The following DSP variants were observed in gnomAD, a reference collection of about 807,000 sequenced individuals.
The protein encoded by DSP is desmoplakin.
DSP carries 114 observed loss-of-function variants against 290.6 expected under a neutral mutation model. That is an observed-to-expected ratio of 0.39 (90% CI 0.34 to 0.46). The LOEUF (loss-of-function observed/expected upper bound fraction) is 0.46, where lower values mean the gene tolerates loss of function less well. DSP is among the 20% of genes least tolerant of loss of function. DSP has a pLI of 0.99. For synonymous variants in DSP, 1,311 were observed against 1,316.4 expected, an observed-to-expected ratio of 1.00 and a Z score of 0.09; for missense variants, 3,230 against 3,495.8, an observed-to-expected ratio of 0.92 and a Z score of 1.92.
rs575948235 is a variant in DSP at position 7,554,821 on chromosome 6, A to G, written c.171-897A>G. ...CACCATGTTTGGCTAATTTAAAAAC[A>G]ATCTTTTTTTTTTTTGTAAGACAGG... On this transcript the variant is annotated intron_variant, in intron 1 of 23. Transcript: ENST00000379802. Among the ~76,000 whole-genome samples, 6 of 151,932 alleles carry G rather than the reference A, an allele frequency of 3.9e-5. No individual in the cohort carries two copies. The East Asian group carries it at 9.7e-4, about 24-fold the overall frequency.
chr6:7,547,938 T>A (rs1179032327), intron 1 of DSP, among the ~76,000 whole-genome samples: 1 of 152,138 alleles, frequency 6.6e-6, no homozygotes, highest in Non-Finnish European at 1.5e-5. Context: ...CTGCAGGACA[T>A]CCTTAAAGTT....
chr6:7,585,073 T>G lies in DSP; in HGVS notation c.7811T>G (p.Ile2604Arg). 1 of 1,614,136 alleles carries G rather than the reference T, an allele frequency of 6.2e-7. No individual in the cohort carries two copies. Among genetic ancestry groups the G allele is most frequent in the Non-Finnish European group, 8.5e-7 (1 of 1,180,012 alleles). The change falls in exon 24 of 24, where the codon ATA becomes AGA. Residue 2604 changes from isoleucine to arginine, a missense_variant. Physicochemically the swap from Ile to Arg is moderately conservative, Grantham distance 97. Transcript: ENST00000379802. ...ATATCCAGCGTCAGGAATTTAACCA[T>G]AAGGAGCAGCTCTTTTTCAGACACC... is the stretch of plus-strand genomic sequence containing the variant. ...STISSVRNLTIRSSSFSDTLE... is the reference protein window; with the variant it reads ...STISSVRNLTRRSSSFSDTLE...
Position 7,555,741 on chromosome 6 carries a change from A to G in DSP, c.194A>G (p.His65Arg), listed in dbSNP as rs771190708. 1.2e-6 allele frequency: 2 copies of G among 1,614,244 alleles called. No homozygotes were observed. The highest frequency in any genetic ancestry group is 1.1e-5 in the South Asian group (1 of 91,086). ...AGTCAAACCGGCACGATGTCCAGGC[A>G]CCAGAACCAGAACACCATCCAGGAG... ...GYCQTGTMSR[H>R]QNQNTIQELL... The change falls in exon 2 of 24, where the codon CAC (histidine) becomes CGC (arginine). Residue 65 changes from histidine (H) to arginine (R), a missense_variant. His to Arg is a conservative substitution (Grantham distance 29, BLOSUM62 0). This residue lies in a region of DSP where 646 missense variants were observed against 684.3 expected (regional missense o/e 0.94). Coordinates refer to ENST00000379802, the MANE Select transcript of DSP (RefSeq NM_004415.4).
At chr6:7,551,559 T>C (rs2008756) in intron 1 of DSP, among the ~76,000 whole-genome samples, 1 of 151,476 alleles carries the variant, frequency 6.6e-6, no homozygotes, top group African/African-American at 2.4e-5. Flanking sequence ...GAACCCAGGA[T>C]GTGGAGGTTG....
At chr6:7,547,553 G>A (rs542948607) in intron 1 of DSP, among the ~76,000 whole-genome samples, 3 of 151,928 alleles carry the variant, frequency 2.0e-5, no homozygotes, top group Admixed American at 1.3e-4. Context: ...TCAGCCTCTC[G>A]AGTAGCTTGG....
chr6:7,551,559 T>G (rs2008756), intron 1 of DSP, among the ~76,000 whole-genome samples: 40,567 of 151,532 alleles, frequency 0.27, 5,972 homozygotes, highest in African/African-American at 0.39. Flanking sequence ...GAACCCAGGA[T>G]GTGGAGGTTG....
At chr6:7,561,638 T>A (rs1171254254) in intron 4 of DSP, among the ~76,000 whole-genome samples, 1 of 152,220 alleles carries the variant, frequency 6.6e-6, no homozygotes, top group Non-Finnish European at 1.5e-5. Context: ...TGCACGCACC[T>A]GGCTGTCTCT....
At chr6:7,572,143 G>C in intron 15 of DSP, 75 bp downstream of exon 15, 9 of 1,340,940 alleles carry the variant, frequency 6.7e-6, no homozygotes, top group Non-Finnish European at 8.4e-6. Flanking sequence ...AAAAAATCCT[G>C]GTTTAAATGT....
At chr6:7,549,608 T>C (rs377399945) in intron 1 of DSP, among the ~76,000 whole-genome samples, 4 of 152,328 alleles carry the variant, frequency 2.6e-5, no homozygotes, top group Admixed American at 6.5e-5. Flanking sequence ...CGGTCAATAT[T>C]AAAGCATTAT....
chr6:7,580,985 GA>G lies in DSP; in HGVS notation c.4797del (p.Gly1600AlafsTer2), dbSNP rs1759417776. On this transcript the variant is annotated frameshift_variant, in exon 23 of 24. Transcript: ENST00000379802. LOFTEE classifies it high-confidence loss of function. This position sits in a 1 kb window ranked among gnomAD's most constrained non-coding sequence, Gnocchi z 4.2. ...GAGGAAGAAGCTGGAGGAAGAGCTG[GA>G]AGGCATGAGGAGGTCGCTGAAGGAG... ...CKRKKLEEEL[E>X]GMRRSLKEQA... 3 of 1,614,108 alleles carry G rather than the reference GA, an allele frequency of 1.9e-6. No individual in the cohort carries two copies. The highest frequency in any genetic ancestry group is 2.5e-6 in the Non-Finnish European group (3 of 1,180,022).
chr6:7,569,298 T>G lies in DSP; in HGVS notation c.1532T>G (p.Ile511Ser). 2 of 1,614,082 alleles carry G rather than the reference T, an allele frequency of 1.2e-6. No individual in the cohort carries two copies. Among genetic ancestry groups the G allele is most frequent in the Non-Finnish European group, 8.5e-7 (1 of 1,179,998 alleles). The change falls in exon 12 of 24, where the codon ATC becomes AGC. Residue 511 changes from isoleucine to serine, a missense_variant. By Grantham distance (142) the Ile-to-Ser change is moderately radical. Around this residue, in one of 5 missense-constraint regions of DSP, gnomAD observed 646 missense variants for 684.3 expected, o/e 0.94. Coordinates refer to ENST00000379802, the MANE Select transcript of DSP (RefSeq NM_004415.4). ...VDMLVPSVGLIIPPPNPLAVD... is the reference protein window; with the variant it reads ...VDMLVPSVGLSIPPPNPLAVD... ...ATGCTTGTTCCCTCTGTGGGGCTGA[T>G]CATCCCTCCTCCGAACCCACTGGCC...
rs977527385 is a variant in DSP at position 7,571,875 on chromosome 6, G to A, written c.1937G>A (p.Cys646Tyr). ...ACTGAAATCACTCATCATGGAACCT[G>A]CCAAGATGTCAACCATAATAAAGTA... ...TTTEITHHGT[C>Y]QDVNHNKVIE... is the part of the protein sequence containing the mutation. Residue 646 changes from cysteine (C) to tyrosine (Y), a missense_variant, in exon 15 of 24, where the codon TGC becomes TAC. Coordinates refer to ENST00000379802, the MANE Select transcript of DSP (RefSeq NM_004415.4). 1.9e-6 allele frequency: 3 copies of A among 1,613,616 alleles called. No individual in the cohort carries two copies. Among genetic ancestry groups the A allele is most frequent in the Admixed American group, 1.7e-5 (1 of 60,012 alleles).
In DSP at chr6:7,569,272, C is replaced by T. The variant is rs1758966083; in HGVS notation, c.1506C>T (p.Asp502=). Reference sequence around the variant, plus strand: ...ACGTGACGGGCCCGGGAGGCGTTGACATGCTTGTTCCCTCTGTGGGGCTGA... The same window carrying T: ...ACGTGACGGGCCCGGGAGGCGTTGATATGCTTGTTCCCTCTGTGGGGCTGA... ...KWYVTGPGGV[D]MLVPSVGLII... The change falls in exon 12 of 24, where the codon GAC becomes GAT. Residue 502 remains aspartate, a synonymous_variant. Transcript: ENST00000379802. The T allele has an allele frequency of 6.2e-7, 1 of 1,614,080 alleles. No homozygotes were observed. Among genetic ancestry groups the T allele is most frequent in the Admixed American group, 1.7e-5 (1 of 60,002 alleles).
chr6:7,565,219 A>G lies in DSP; in HGVS notation c.778-140A>G. Reference sequence around the variant, plus strand: ...GGGTCTTTTCCCATACCAGGTGGTCAGTGAATGCACAAGGTTAACATTTTT... The same window carrying G: ...GGGTCTTTTCCCATACCAGGTGGTCGGTGAATGCACAAGGTTAACATTTTT... On this transcript the variant is annotated intron_variant, in intron 6 of 23. Transcript: ENST00000379802. The surrounding 1 kb of genome is among the most constrained non-coding windows in gnomAD (Gnocchi z 4.2). The G allele has an allele frequency of 1.8e-6, 2 of 1,090,338 alleles. No homozygotes were observed. Among genetic ancestry groups the G allele is most frequent in the South Asian group, 1.4e-5 (1 of 73,996 alleles). 67.5% of individuals were successfully genotyped at this position (1,090,338 alleles called of 1,614,324 possible). A position where few individuals can be genotyped will look rare whatever the true frequency, so the allele number is the denominator to read the frequency against.
Position 7,580,172 on chromosome 6 carries a change from G to C in DSP, c.3982G>C (p.Glu1328Gln), listed in dbSNP as rs746208168. ...KTIQDKNKEI[E>Q]RLKAEFQEEA... ...CATTCAGGACAAAAATAAGGAGATC[G>C]AGAGACTCAAAGCTGAGTTTCAGGA... Residue 1328 changes from glutamate to glutamine, a missense_variant, in exon 23 of 24, where the codon GAG becomes CAG. Coordinates refer to ENST00000379802, the MANE Select transcript of DSP (RefSeq NM_004415.4). The surrounding 1 kb of genome is among the most constrained non-coding windows in gnomAD (Gnocchi z 4.2). 6.2e-7 allele frequency: 1 copy of C among 1,614,028 alleles called. No homozygotes were observed. Among genetic ancestry groups the C allele is most frequent in the Non-Finnish European group, 8.5e-7 (1 of 1,179,984 alleles).
chr6:7,579,918 C>G lies in DSP; in HGVS notation c.3728C>G (p.Ser1243Ter). Residue 1243 changes from serine (S) to a stop codon, truncating the protein, a stop_gained, in exon 23 of 24, where the codon TCA (serine) becomes TGA (stop). Coordinates refer to ENST00000379802, the MANE Select transcript of DSP (RefSeq NM_004415.4). LOFTEE classifies it high-confidence loss of function. This position sits in a 1 kb window ranked among gnomAD's most constrained non-coding sequence, Gnocchi z 4.1. ...CTTAGAAACCAGCTTGATAGACTTTCAAGGGAAAATCGAGATCTGAAGGAT... is the reference window on the plus strand; with the variant it reads ...CTTAGAAACCAGCTTGATAGACTTTGAAGGGAAAATCGAGATCTGAAGGAT... ...KNLRNQLDRLSRENRDLKDEI... is the reference protein window; with the variant it reads ...KNLRNQLDRL 1 of 1,614,096 alleles carries G rather than the reference C, an allele frequency of 6.2e-7. No individual in the cohort carries two copies. The highest frequency in any genetic ancestry group is 8.5e-7 in the Non-Finnish European group (1 of 1,180,014).
At position 7,583,261 on chromosome 6, in the gene DSP, C is replaced by T; in HGVS notation, c.5999C>T (p.Ser2000Leu). The change falls in exon 24 of 24, where the codon TCA (serine) becomes TTA (leucine). Residue 2000 changes from serine to leucine, a missense_variant. Ser to Leu is a moderately radical substitution (Grantham distance 145). Around this residue, in one of 5 missense-constraint regions of DSP, gnomAD observed 1,714 missense variants for 1,844.5 expected, o/e 0.93. Transcript: ENST00000379802. The surrounding 1 kb of genome is among the most constrained non-coding windows in gnomAD (Gnocchi z 4.0). The part of the protein sequence containing the change: ...TLDKLLKGKK[S>L]VEEVASEIQP... Reference sequence around the variant, plus strand: ...GACAAACTATTGAAGGGGAAGAAGTCAGTGGAAGAAGTTGCTTCTGAAATC... The same window carrying T: ...GACAAACTATTGAAGGGGAAGAAGTTAGTGGAAGAAGTTGCTTCTGAAATC... 2 of 1,614,190 alleles carry T rather than the reference C, an allele frequency of 1.2e-6. No individual in the cohort carries two copies. The highest frequency in any genetic ancestry group is 1.7e-6 in the Non-Finnish European group (2 of 1,180,036).
intron 7 of DSP, among the ~76,000 whole-genome samples, chr6:7,566,064 C>G (rs1296407148): frequency 6.6e-6 from 1 of 152,134 alleles, no homozygotes; most frequent in Non-Finnish European, 1.5e-5. Context: ...AGAACTGGTA[C>G]GTTCAGATAA....
At chr6:7,567,253 A>G (rs548505150) in intron 8 of DSP, 101 bp from the exon 9 acceptor site, 115 of 947,844 alleles carry the variant, frequency 1.2e-4, no homozygotes, top group Admixed American at 3.8e-4. Flanking sequence ...GAATGAGATA[A>G]AAACTGCTTA....
Sources: allele counts gnomAD v4.1 joint callset (sites outside exome capture counted in the v4.1 genomes callset), GRCh38; gene constraint gnomAD v4.1.1; regional missense constraint gnomAD v4.1.1; non-coding constraint Gnocchi (gnomAD v3.1); transcripts MANE v1.5; gene names NCBI Gene and HGNC (gene_info 2026-07-23, HGNC 2026-07-21).